The following SERGEF variants were observed in gnomAD, a reference collection of about 807,000 sequenced individuals.
SERGEF encodes secretion-regulating guanine nucleotide exchange factor.
A neutral mutation model predicts 50.0 loss-of-function variants in SERGEF; 51 were observed. The observed-to-expected ratio is 1.02, with a 90% CI of 0.81 to 1.29. The LOEUF (loss-of-function observed/expected upper bound fraction) is 1.29, where lower values mean the gene tolerates loss of function less well. Among genes scored for constraint, SERGEF ranks in the 50% most tolerant of loss-of-function variants. SERGEF has a pLI of 0.00. For synonymous variants in SERGEF, 205 were observed against 212.4 expected (o/e 0.97, Z 0.30); for missense variants, 521 against 557.0 (o/e 0.94, Z 0.65).
intron 10 of SERGEF, 28 bp from the exon 11 acceptor site, chr11:17,788,441 G>C: frequency 6.4e-7 from 1 of 1,568,008 alleles, no homozygotes; most frequent in Non-Finnish European, 8.7e-7. Flanking sequence ...GACTGCTGTA[G>C]AAGAGGTTTT....
chr11:17,919,728 C>G (rs1437330285), intron 9 of SERGEF, among the ~76,000 whole-genome samples: 1 of 152,166 alleles, frequency 6.6e-6, no homozygotes, highest in Non-Finnish European at 1.5e-5. Context: ...CAAGCCTGCT[C>G]CCACTTTAGG....
intron 10 of SERGEF, chr11:17,854,915 T>C (rs75212202): frequency 6.6e-6 from 1 of 152,168 alleles, no homozygotes; most frequent in Non-Finnish European, 1.5e-5. Context: ...TTTATATATA[T>C]TATCCCGTCT....
intron 10 of SERGEF, among the ~76,000 whole-genome samples, chr11:17,811,147 C>T (rs1849863774): frequency 1.3e-5 from 2 of 152,180 alleles, no homozygotes; most frequent in African/African-American, 4.8e-5. Context: ...GATCACCTAA[C>T]CCAATTCCTA....
At chr11:17,820,797 T>C (rs1850067037) in intron 10 of SERGEF, among the ~76,000 whole-genome samples, 1 of 152,076 alleles carries the variant, frequency 6.6e-6, no homozygotes, top group African/African-American at 2.4e-5. Flanking sequence ...CTAAATGTCA[T>C]CACAAGAGAA....
At chr11:17,909,143 C>CA (rs1231154882) in intron 9 of SERGEF, among the ~76,000 whole-genome samples, 1 of 152,186 alleles carries the variant, frequency 6.6e-6, no homozygotes, top group Non-Finnish European at 1.5e-5. Flanking sequence ...GTAGCTCCAC[C>CA]ACTTACTACC....
chr11:17,903,224 A>C (rs1319525343), intron 9 of SERGEF, among the ~76,000 whole-genome samples: 1 of 152,186 alleles, frequency 6.6e-6, no homozygotes, highest in African/African-American at 2.4e-5. Flanking sequence ...GTCACACTCT[A>C]GTCTCTCTGA....
chr11:17,942,468 T>A (rs1172171231), intron 9 of SERGEF, among the ~76,000 whole-genome samples: 3 of 152,234 alleles, frequency 2.0e-5, no homozygotes, highest in Non-Finnish European at 2.9e-5. Flanking sequence ...GTTGATTTTG[T>A]ACCTTGCTAA....
intron 9 of SERGEF, among the ~76,000 whole-genome samples, chr11:17,901,690 C>T (rs781047662): frequency 4.6e-5 from 7 of 152,328 alleles, no homozygotes; most frequent in Non-Finnish European, 1.0e-4. Context: ...TCCATGAAGT[C>T]TTTCCTAATC....
chr11:17,939,837 T>C (rs962677212), intron 9 of SERGEF, among the ~76,000 whole-genome samples: 2 of 152,188 alleles, frequency 1.3e-5, no homozygotes, highest in African/African-American at 2.4e-5. Flanking sequence ...GACTTGGCCA[T>C]TCCTCTTAGA....
chr11:17,918,621 A>ACAC (rs1565204522), intron 9 of SERGEF: 10 of 182,394 alleles, frequency 5.5e-5, no homozygotes, highest in East Asian at 2.7e-4. Flanking sequence ...ATAAAGCAGG[A>ACAC]ACAGACACAC....
At chr11:17,830,651 A>AGG (rs1235124919) in intron 10 of SERGEF, among the ~76,000 whole-genome samples, 28 of 93,182 alleles carry the variant, frequency 3.0e-4, no homozygotes, top group Non-Finnish European at 6.1e-4. Context: ...AGAGGGAGGG[A>AGG]GAGAGAGAGA....
At chr11:17,993,054 G>C in intron 6 of SERGEF, 61 bp from the exon 7 acceptor site, 1 of 1,416,480 alleles carries the variant, frequency 7.1e-7, no homozygotes, top group Non-Finnish European at 9.9e-7. Flanking sequence ...GGGCAGAGAG[G>C]GGGCACTCAG....
rs532051636 is a variant in SERGEF at position 17,836,059 on chromosome 11, G to A, written c.1048+42149C>T. 3.3e-5 allele frequency among the ~76,000 whole-genome samples: 5 copies of A among 152,350 alleles called. No homozygotes were observed. The South Asian group carries it at 1.0e-3, about 32-fold the overall frequency. On this transcript the variant is annotated intron_variant, in intron 10 of 10. Transcript: ENST00000265965. ...GGATGGTTGACTGGTTAGGTAGAGA[G>A]TTGATTAGTTTCTTTTCCTTGTTAT...
chr11:17,899,505 C>T (rs1218103378), intron 9 of SERGEF, among the ~76,000 whole-genome samples: 1 of 152,150 alleles, frequency 6.6e-6, no homozygotes, highest in Non-Finnish European at 1.5e-5. Context: ...AAATCTACAC[C>T]AAAGGTGTAC....
Position 17,979,907 on chromosome 11 carries a change from T to TA in SERGEF, c.844+8689dup, listed in dbSNP as rs556227070. Among the ~76,000 whole-genome samples, 189 of 152,254 alleles carry TA rather than the reference T, an allele frequency of 1.2e-3. 1 individual carries two copies. The highest frequency in any genetic ancestry group is 2.2e-3 in the African/African-American group (93 of 41,552). On this transcript the variant is annotated intron_variant, in intron 8 of 10. Coordinates refer to ENST00000265965, the MANE Select transcript of SERGEF (RefSeq NM_012139.4). ...GATCTTCACCTGCAGACACAGCCGCTAAAAAATGGGAAAGGGGAAAGTAAT... is the reference window on the plus strand; with the variant it reads ...GATCTTCACCTGCAGACACAGCCGCTAAAAAAATGGGAAAGGGGAAAGTAAT...
At chr11:17,995,062 A>T (rs1466683862) in intron 6 of SERGEF, among the ~76,000 whole-genome samples, 1 of 152,202 alleles carries the variant, frequency 6.6e-6, no homozygotes, top group Non-Finnish European at 1.5e-5. Context: ...TGCTGTATAC[A>T]GAGGGAGAAA....
intron 10 of SERGEF, among the ~76,000 whole-genome samples, chr11:17,824,803 C>T (rs1274479712): frequency 6.6e-6 from 1 of 152,168 alleles, no homozygotes. Flanking sequence ...CTCACTTAAC[C>T]TTCATTACCT....
At chr11:17,928,636 AC>A (rs1403934779) in intron 9 of SERGEF, among the ~76,000 whole-genome samples, 2 of 152,172 alleles carry the variant, frequency 1.3e-5, no homozygotes, top group South Asian at 2.1e-4. Context: ...TGAAAAAAAA[AC>A]AATAAAGAAA....
At chr11:17,977,924 C>G (rs1032225417) in intron 8 of SERGEF, among the ~76,000 whole-genome samples, 2 of 152,174 alleles carry the variant, frequency 1.3e-5, no homozygotes, top group African/African-American at 4.8e-5. Context: ...ATAAGCCACC[C>G]AGTCTATATC....
Sources: gnomAD v4.1 joint callset for allele counts (sites outside exome capture counted in the v4.1 genomes callset) on GRCh38, gnomAD v4.1.1 for gene constraint, MANE v1.5 for transcripts, NCBI Gene and HGNC (gene_info 2026-07-23, HGNC 2026-07-21) for gene names.